Variants in GRIP1 observed in about 807,000 individuals in gnomAD.
GRIP1 encodes the protein glutamate receptor interacting protein 1.
A neutral mutation model predicts 129.9 loss-of-function variants in GRIP1; 45 were observed. The observed-to-expected ratio is 0.35, with a 90% CI of 0.27 to 0.44. GRIP1 has a LOEUF of 0.44. GRIP1 is among the 20% of genes least tolerant of loss of function. The pLI, the probability that GRIP1 is intolerant of heterozygous loss-of-function variation, is 1.00. For missense variants in GRIP1, 1,196 were observed against 1,396.8 expected, an observed-to-expected ratio of 0.86 and a Z score of 2.29; for synonymous variants, 530 against 520.8, an observed-to-expected ratio of 1.02 and a Z score of -0.24.
At chr12:66,821,869 A>G (rs1244958510) in intron 1 of GRIP1, among the ~76,000 whole-genome samples, 1 of 152,144 alleles carries the variant, frequency 6.6e-6, no homozygotes, top group Non-Finnish European at 1.5e-5. Flanking sequence ...ACTGCGATCA[A>G]GTCATATCTA....
chr12:66,709,166 C>T (rs1454148321), intron 1 of GRIP1, among the ~76,000 whole-genome samples: 1 of 151,892 alleles, frequency 6.6e-6, no homozygotes, highest in Non-Finnish European at 1.5e-5. Flanking sequence ...AGTCGTTCAG[C>T]TTATTCAAGG....
chr12:66,956,984 C>G (rs1023212421), intron 1 of GRIP1, among the ~76,000 whole-genome samples: 3 of 152,178 alleles, frequency 2.0e-5, no homozygotes, highest in Non-Finnish European at 4.4e-5. Context: ...TTATTTTTAA[C>G]TTCTTCCTCT....
intron 16 of GRIP1, among the ~76,000 whole-genome samples, chr12:66,401,450 A>G (rs9645826): frequency 0.93 from 140,712 of 151,442 alleles, 66,268 homozygotes; most frequent in East Asian, 1. Context: ...ATGGTGGTGG[A>G]CACCTGTAAT....
intron 2 of GRIP1, among the ~76,000 whole-genome samples, chr12:66,584,786 T>C (rs1397591605): frequency 6.6e-6 from 1 of 152,094 alleles, no homozygotes; most frequent in East Asian, 1.9e-4. Context: ...GACAGTGTCC[T>C]AGGTAATCCA....
chr12:66,664,658 G>A (rs531342105), intron 1 of GRIP1, among the ~76,000 whole-genome samples: 72 of 152,160 alleles, frequency 4.7e-4, no homozygotes, highest in African/African-American at 1.7e-3. Flanking sequence ...TTATCATTAA[G>A]CTGGGTTAAT....
At chr12:66,531,043 TGG>T (rs2061426622) in intron 4 of GRIP1, among the ~76,000 whole-genome samples, 1 of 151,746 alleles carries the variant, frequency 6.6e-6, no homozygotes, top group African/African-American at 2.4e-5. Flanking sequence ...AAGGCCAGCC[TGG>T]CTAAGATCGT....
rs138842670 is a variant in GRIP1, at chr12:66,377,932, C to T, written c.2622-647G>A. Among the ~76,000 whole-genome samples the T allele has an allele frequency of 3.2e-4, 47 of 148,232 alleles. No homozygotes were observed. In the East Asian group the frequency reaches 8.3e-3, roughly 26 times the overall value. On this transcript the variant is annotated intron_variant, in intron 20 of 24. Coordinates refer to ENST00000359742, the MANE Select transcript of GRIP1 (RefSeq NM_001366722.1). ...TTTCAGCTGCTATATCTACAAGGAA[C>T]GAGAAATCAAATTTTTCTCTAAGAG...
At chr12:66,713,108 C>G (rs1204828298) in intron 1 of GRIP1, among the ~76,000 whole-genome samples, 1 of 151,958 alleles carries the variant, frequency 6.6e-6, no homozygotes, top group Non-Finnish European at 1.5e-5. Flanking sequence ...ATTTTTCTTC[C>G]ACTAAAATAA....
intron 7 of GRIP1, among the ~76,000 whole-genome samples, chr12:66,485,285 G>A (rs555374656): frequency 6.6e-6 from 1 of 152,222 alleles, no homozygotes; most frequent in African/African-American, 2.4e-5. Context: ...GACTAACGTA[G>A]TAGAGCAATT....
chr12:66,430,239 TG>T (rs1442705066), intron 14 of GRIP1, among the ~76,000 whole-genome samples: 1 of 152,214 alleles, frequency 6.6e-6, no homozygotes, highest in African/African-American at 2.4e-5. Context: ...AAGTCTGCTT[TG>T]TCATCTGGCA....
At position 66,772,363 on chromosome 12, in the gene GRIP1, T is replaced by C. The variant is rs1252144300; in HGVS notation, c.-420+31690A>G. 3.9e-5 allele frequency among the ~76,000 whole-genome samples: 6 copies of C among 152,200 alleles called. No homozygotes were observed. In the South Asian group the frequency reaches 1.2e-3, roughly 31 times the overall value. ...ATATAATCAAGAAAGAATACTAAAA[T>C]GTAATCCCAAATGACAGTGCAGGGA... On this transcript the variant is annotated intron_variant, in intron 1 of 4. Coordinates refer to the GRIP1 transcript ENST00000538373.
At chr12:66,535,750 T>A (rs2061586488) in intron 4 of GRIP1, among the ~76,000 whole-genome samples, 1 of 152,232 alleles carries the variant, frequency 6.6e-6, no homozygotes, top group African/African-American at 2.4e-5. Flanking sequence ...AGACTTTATG[T>A]GAAGAATACG....
chr12:66,932,498 T>A (rs1159045293), intron 1 of GRIP1, among the ~76,000 whole-genome samples: 25 of 152,024 alleles, frequency 1.6e-4, no homozygotes, highest in Admixed American at 1.6e-3. Context: ...TGTTGAGGGC[T>A]CCTCTGTGCC....
At chr12:66,724,294 T>G (rs2036184432) in intron 1 of GRIP1, among the ~76,000 whole-genome samples, 2 of 152,130 alleles carry the variant, frequency 1.3e-5, no homozygotes, top group Admixed American at 1.3e-4. Context: ...CAGGAGCAGA[T>G]GGGGTGCCAC....
chr12:66,475,281 A>G (rs2059570038), intron 7 of GRIP1, among the ~76,000 whole-genome samples: 1 of 152,224 alleles, frequency 6.6e-6, no homozygotes, highest in Non-Finnish European at 1.5e-5. Flanking sequence ...AGAGCTAACT[A>G]TCCTAAATAT....
At chr12:66,383,185 T>C (rs916169315) in intron 19 of GRIP1, among the ~76,000 whole-genome samples, 1 of 152,044 alleles carries the variant, frequency 6.6e-6, no homozygotes, top group Non-Finnish European at 1.5e-5. Context: ...TTGTTTCAGC[T>C]ACTCTGGAGG....
intron 1 of GRIP1, among the ~76,000 whole-genome samples, chr12:66,792,028 AG>A (rs1280415919): frequency 1.3e-5 from 2 of 152,182 alleles, no homozygotes; most frequent in African/African-American, 4.8e-5. Flanking sequence ...ATTTCTCATG[AG>A]AAAGAGGTGG....
At chr12:67,021,801 C>T (rs1397418005) in intron 1 of GRIP1, among the ~76,000 whole-genome samples, 1 of 152,156 alleles carries the variant, frequency 6.6e-6, no homozygotes, top group Admixed American at 6.6e-5. Context: ...CTCCCTATCC[C>T]CCCATTCCCT....
At chr12:66,677,662 C>T (rs2034401092) in intron 1 of GRIP1, among the ~76,000 whole-genome samples, 1 of 152,180 alleles carries the variant, frequency 6.6e-6, no homozygotes, top group Non-Finnish European at 1.5e-5. Flanking sequence ...ACTCACTCTG[C>T]TATCCAAACA....
Sources: allele counts gnomAD v4.1 joint callset (sites outside exome capture counted in the v4.1 genomes callset), GRCh38; gene constraint gnomAD v4.1.1; transcripts MANE v1.5; gene names NCBI Gene and HGNC (gene_info 2026-07-23, HGNC 2026-07-21).